TMEM181: variants seen among roughly 807,000 people sequenced by gnomAD.
The protein encoded by TMEM181 is G protein-coupled receptor 178.
A neutral mutation model predicts 71.9 loss-of-function variants in TMEM181; 39 were observed. The ratio of observed to expected loss-of-function variants is 0.54; its 90% CI spans 0.42 to 0.71. TMEM181 has a LOEUF of 0.71. Among genes scored for constraint, TMEM181 ranks in the 30% least tolerant of loss-of-function variants. The pLI is 0.00. For synonymous variants in TMEM181, 245 were observed against 228.8 expected, an observed-to-expected ratio of 1.07 and a Z score of -0.64; for missense variants, 595 against 583.0, an observed-to-expected ratio of 1.02 and a Z score of -0.21.
intron 3 of TMEM181, among the ~76,000 whole-genome samples, chr6:158,582,183 G>T (rs945650258): frequency 6.6e-6 from 1 of 152,060 alleles, no homozygotes; most frequent in South Asian, 2.1e-4. Flanking sequence ...CACTGTTGGC[G>T]TGATGATCTG....
chr6:158,582,436 T>C (rs1783532565), intron 3 of TMEM181, among the ~76,000 whole-genome samples: 1 of 152,118 alleles, frequency 6.6e-6, no homozygotes, highest in Admixed American at 6.6e-5. Flanking sequence ...CTGACAGAAG[T>C]ATTAAGACAC....
chr6:158,619,369 C>G (rs1562311580), intron 10 of TMEM181, among the ~76,000 whole-genome samples: 2 of 152,078 alleles, frequency 1.3e-5, no homozygotes, highest in Non-Finnish European at 2.9e-5. Context: ...CTTCTCTGTG[C>G]TGTTTATTCT....
chr6:158,574,415 C>T (rs1332580446), intron 2 of TMEM181, among the ~76,000 whole-genome samples: 1 of 152,128 alleles, frequency 6.6e-6, no homozygotes, highest in Non-Finnish European at 1.5e-5. Context: ...ACATTAATTA[C>T]AGCACAAGAT....
At chr6:158,596,300 C>T (rs6928653) in intron 6 of TMEM181, among the ~76,000 whole-genome samples, 55,024 of 152,090 alleles carry the variant, frequency 0.36, 11,034 homozygotes, top group East Asian at 0.75. Context: ...TTGGAGCTGC[C>T]GCCTGTACGG....
chr6:158,629,609 G>A (rs983206726), intron 14 of TMEM181, 121 bp from the exon 15 acceptor site: 57 of 762,248 alleles, frequency 7.5e-5, no homozygotes, highest in Non-Finnish European at 9.9e-5. Flanking sequence ...ATGGACCCCC[G>A]GGCACTGGCG....
At chr6:158,618,023 C>G (rs534553513) in intron 10 of TMEM181, among the ~76,000 whole-genome samples, 30 of 152,170 alleles carry the variant, frequency 2.0e-4, no homozygotes, top group Middle Eastern at 3.4e-3. Context: ...GTTCAAGTCC[C>G]GGATATCCTT....
intron 2 of TMEM181, among the ~76,000 whole-genome samples, chr6:158,576,367 A>G (rs538884587): frequency 6.6e-6 from 1 of 152,284 alleles, no homozygotes; most frequent in African/African-American, 2.4e-5. Context: ...CTGATTGCAG[A>G]AGTTTGACGA....
At position 158,631,879 on chromosome 6, in the gene TMEM181, T is replaced by C. The variant is rs764171895; in HGVS notation, c.1419T>C (p.Asp473=). The C allele has an allele frequency of 1.9e-6, 3 of 1,591,572 alleles. No homozygotes were observed. Among genetic ancestry groups the C allele is most frequent in the Non-Finnish European group, 8.6e-7 (1 of 1,168,538 alleles). ...AIRAKYKEES[D]SD ...GGGCCAAGTACAAGGAGGAGTCAGA[T>C]AGTGACTGAGCCCCGGCCAGCCCAG... Residue 473 remains aspartate (D), a synonymous_variant, in exon 17 of 17, where the codon GAT becomes GAC. Transcript: ENST00000684151.
chr6:158,563,334 G>C lies in TMEM181; in HGVS notation c.8+3102G>C, dbSNP rs554604373. On this transcript the variant is annotated intron_variant, in intron 1 of 16. Coordinates refer to ENST00000684151, the MANE Select transcript of TMEM181 (RefSeq NM_001376852.1). ...AATTTTTGTATTTTTAGTAGAGTCA[G>C]GGTTTCACCATGTTGGCCAGGCTGG... Among the ~76,000 whole-genome samples, 148 of 152,306 alleles carry C rather than the reference G, an allele frequency of 9.7e-4. 3 individuals carry two copies. The East Asian group carries it at 0.025, about 26-fold the overall frequency.
At chr6:158,575,874 G>A (rs1783125561) in intron 2 of TMEM181, among the ~76,000 whole-genome samples, 2 of 152,152 alleles carry the variant, frequency 1.3e-5, no homozygotes, top group Non-Finnish European at 2.9e-5. Context: ...GGTCACTGAG[G>A]CAGCCCAGAA....
At chr6:158,602,013 C>T (rs1277131491) in intron 6 of TMEM181, among the ~76,000 whole-genome samples, 1 of 152,108 alleles carries the variant, frequency 6.6e-6, no homozygotes, top group African/African-American at 2.4e-5. Context: ...CCTGGGAAGC[C>T]GTTCCCACAA....
chr6:158,573,215 T>TGCAGGAACGC (rs899996062), intron 1 of TMEM181, among the ~76,000 whole-genome samples: 2 of 152,146 alleles, frequency 1.3e-5, no homozygotes, highest in African/African-American at 4.8e-5. Flanking sequence ...ACCCGGAACG[T>TGCAGGAACGC]GCAGGAACGC....
At chr6:158,607,203 GTGAGCAAAGGC>G in intron 7 of TMEM181, 30 bp from the exon 8 acceptor site, 4 of 1,544,874 alleles carry the variant, frequency 2.6e-6, no homozygotes, top group Non-Finnish European at 3.6e-6. Flanking sequence ...CAGGCAAGGT[GTGAGCAAAGGC>G]AGTAACTGGA....
chr6:158,595,959 TCACC>T (rs948942376), intron 6 of TMEM181, among the ~76,000 whole-genome samples: 5 of 152,168 alleles, frequency 3.3e-5, no homozygotes, highest in African/African-American at 9.7e-5. Flanking sequence ...TCTTGCTCTG[TCACC>T]CTGGCTGGAG....
At chr6:158,563,067 G>A (rs1275966778) in intron 1 of TMEM181, among the ~76,000 whole-genome samples, 7 of 152,310 alleles carry the variant, frequency 4.6e-5, no homozygotes, top group South Asian at 4.2e-4. Flanking sequence ...GGGTTTTCAC[G>A]TCACAACGGA....
chr6:158,619,826 G>A (rs912873402), intron 10 of TMEM181, among the ~76,000 whole-genome samples: 4 of 142,006 alleles, frequency 2.8e-5, no homozygotes, highest in Admixed American at 1.5e-4. Flanking sequence ...CTGAGATTGC[G>A]CCACTGCACT....
intron 1 of TMEM181, among the ~76,000 whole-genome samples, chr6:158,542,520 T>G (rs902221620): frequency 6.6e-6 from 1 of 152,206 alleles, no homozygotes; most frequent in Admixed American, 6.5e-5. Flanking sequence ...CCAGAGCTCT[T>G]CCTGGTGTTT....
At chr6:158,552,991 A>G (rs1463675751) in intron 1 of TMEM181, among the ~76,000 whole-genome samples, 1 of 152,160 alleles carries the variant, frequency 6.6e-6, no homozygotes, top group African/African-American at 2.4e-5. Flanking sequence ...GTTTGAGACC[A>G]GCCTGGGCAA....
chr6:158,610,963 T>C, intron 10 of TMEM181: 1 of 420,588 alleles, frequency 2.4e-6, no homozygotes, highest in Non-Finnish European at 4.6e-6. Flanking sequence ...ACCGTGGAGA[T>C]CTCCAGATCA....
Sources: allele counts gnomAD v4.1 joint callset (sites outside exome capture counted in the v4.1 genomes callset), GRCh38; gene constraint gnomAD v4.1.1; transcripts MANE v1.5; gene names NCBI Gene and HGNC (gene_info 2026-07-23, HGNC 2026-07-21).